Variants in DHX30 observed in about 807,000 individuals in gnomAD.
DHX30 encodes DExH-box helicase 30, also known as ATP-dependent RNA helicase DHX30.
A neutral mutation model predicts 116.9 loss-of-function variants in DHX30; 4 were observed. The observed-to-expected ratio is 0.03, with a 90% CI of 0.02 to 0.08. The LOEUF (loss-of-function observed/expected upper bound fraction) is 0.08. Among genes scored for constraint, DHX30 ranks in the 10% least tolerant of loss-of-function variants. The pLI is 1.00. For missense variants in DHX30, 871 were observed against 1,595.1 expected (o/e 0.55, Z 7.73); for synonymous variants, 697 against 651.7 (o/e 1.07, Z -1.06).
chr3:47,816,932 C>A, intron 3 of DHX30: 1 of 984,106 alleles, frequency 1.0e-6, no homozygotes, highest in African/African-American at 1.8e-5. Context: ...AAAAAAATAG[C>A]TGAAAGGGCT....
intron 3 of DHX30, chr3:47,815,921 A>G: frequency 1.0e-6 from 1 of 983,908 alleles, no homozygotes; most frequent in Non-Finnish European, 1.2e-6. Flanking sequence ...ATAATAACTA[A>G]TCATTGAATC....
chr3:47,831,859 C>G (rs946642096), intron 6 of DHX30, among the ~76,000 whole-genome samples: 1 of 151,162 alleles, frequency 6.6e-6, no homozygotes, highest in Non-Finnish European at 1.5e-5. Context: ...CTTTAGTGGA[C>G]CACTCTAAAT....
intron 3 of DHX30, among the ~76,000 whole-genome samples, chr3:47,812,836 G>T (rs1033605248): frequency 1.3e-4 from 19 of 151,054 alleles, no homozygotes; most frequent in Non-Finnish European, 1.5e-4. Flanking sequence ...GGTAATTCTT[G>T]TATTTTTAGT....
intron 4 of DHX30, among the ~76,000 whole-genome samples, chr3:47,824,236 C>T (rs1209573482): frequency 6.6e-6 from 1 of 152,084 alleles, no homozygotes; most frequent in African/African-American, 2.4e-5. Flanking sequence ...CTCCTGACCT[C>T]AGGTGATCTG....
At chr3:47,803,730 G>A (rs1273294424) in intron 1 of DHX30, among the ~76,000 whole-genome samples, 3 of 152,236 alleles carry the variant, frequency 2.0e-5, no homozygotes, top group Non-Finnish European at 4.4e-5. Context: ...GAGGCCAAGG[G>A]GTGAGGTATT....
chr3:47,833,414 C>T (rs950544943), intron 6 of DHX30, among the ~76,000 whole-genome samples: 1 of 151,516 alleles, frequency 6.6e-6, no homozygotes, highest in Non-Finnish European at 1.5e-5. Flanking sequence ...TGCCTGTAGT[C>T]CCAGCTACTT....
At chr3:47,815,939 C>CTTT in intron 3 of DHX30, 1 of 877,992 alleles carries the variant, frequency 1.1e-6, no homozygotes, top group South Asian at 5.3e-5. Flanking sequence ...ATCATTTATT[C>CTTT]TTTTTTTTTT....
At chr3:47,816,168 G>GA (rs977811187) in intron 3 of DHX30, 2 of 978,300 alleles carry the variant, frequency 2.0e-6, no homozygotes, top group Non-Finnish European at 2.4e-6. Flanking sequence ...AAAATAAAAA[G>GA]AAAAAAATCA....
At chr3:47,849,793 C>G (rs1175802667) in intron 21 of DHX30, 24 bp downstream of exon 21, 1 of 1,608,096 alleles carries the variant, frequency 6.2e-7, no homozygotes, top group Admixed American at 1.7e-5. Context: ...GGCCTCCCGC[C>G]CACCCCGCTC....
chr3:47,847,232 A>C lies in DHX30; in HGVS notation c.1930-41A>C. The C allele has an allele frequency of 2.5e-6, 4 of 1,606,948 alleles. No homozygotes were observed. The highest frequency in any genetic ancestry group is 3.4e-6 in the Non-Finnish European group (4 of 1,173,830). On this transcript the variant is annotated intron_variant, in intron 11 of 21. Coordinates refer to ENST00000445061, the MANE Select transcript of DHX30 (RefSeq NM_138615.3). The surrounding 1 kb of genome is among the most constrained non-coding windows in gnomAD (Gnocchi z 5.5). ...GGCTGTGTCCTTGGCATGACCCCTT[A>C]CCCCGGGGCTGTGACTGTGGCCTCT...
chr3:47,820,595 A>G (rs973747588), intron 4 of DHX30, among the ~76,000 whole-genome samples: 4 of 152,134 alleles, frequency 2.6e-5, no homozygotes, highest in Admixed American at 6.6e-5. Flanking sequence ...AGCCTGAACT[A>G]TCTTGGACTT....
intron 5 of DHX30, among the ~76,000 whole-genome samples, chr3:47,828,104 C>G (rs2036629766): frequency 6.6e-6 from 1 of 151,946 alleles, no homozygotes; most frequent in Non-Finnish European, 1.5e-5. Context: ...AAGGGATCCT[C>G]CCTCCTCAGC....
At chr3:47,807,786 G>C (rs1259014198) in intron 2 of DHX30, among the ~76,000 whole-genome samples, 1 of 150,976 alleles carries the variant, frequency 6.6e-6, no homozygotes. Flanking sequence ...TTTAGAGGCA[G>C]GGTCTCACTG....
chr3:47,848,227 G>A lies in DHX30; in HGVS notation c.2334G>A (p.Gln778=). Residue 778 remains glutamine, a synonymous_variant, in exon 15 of 22, where the codon CAG becomes CAA. Transcript: ENST00000445061. The surrounding 1 kb of genome is among the most constrained non-coding windows in gnomAD (Gnocchi z 9.4). ...TVWVSRANVI[Q]RRGRAGRCQS... is the part of the protein sequence containing the mutation. ...GGGTATCAAGAGCCAATGTGATCCA[G>A]CGCCGGGGCCGGGCGGGCCGCTGCC... 1 of 1,613,568 alleles carries A rather than the reference G, an allele frequency of 6.2e-7. No homozygotes were observed. The highest frequency in any genetic ancestry group is 8.5e-7 in the Non-Finnish European group (1 of 1,179,998).
At position 47,847,979 on chromosome 3, in the gene DHX30, G is replaced by A. The variant is rs1204338111; in HGVS notation, c.2286+23G>A. ...AAGGTGGCACCTACCTCCTGGGCCC[G>A]GCCAACCACTGGGGGAGGGACTCCG... On this transcript the variant is annotated intron_variant, in intron 14 of 21. Transcript: ENST00000445061. The surrounding 1 kb of genome is among the most constrained non-coding windows in gnomAD (Gnocchi z 5.5). The A allele has an allele frequency of 1.5e-5, 24 of 1,610,460 alleles. No homozygotes were observed. In the East Asian group the frequency reaches 2.0e-4, roughly 13 times the overall value.
At chr3:47,823,702 CAT>C (rs1448263705) in intron 4 of DHX30, among the ~76,000 whole-genome samples, 5 of 152,088 alleles carry the variant, frequency 3.3e-5, no homozygotes, top group East Asian at 1.9e-4. Flanking sequence ...CTGTTCAACA[CAT>C]GTGTTGTAAA....
intron 4 of DHX30, chr3:47,819,219 C>T (rs771990821): frequency 7.3e-7 from 1 of 1,367,622 alleles, no homozygotes. Flanking sequence ...TCTTAAAATG[C>T]CCTGTAACTC....
intron 3 of DHX30, among the ~76,000 whole-genome samples, chr3:47,813,955 G>A (rs1410873458): frequency 8.4e-6 from 1 of 119,608 alleles, no homozygotes; most frequent in South Asian, 3.0e-4. Flanking sequence ...CTTGAGATTA[G>A]TGTGGGCAGC....
chr3:47,843,903 T>C (rs2037489223), intron 9 of DHX30, among the ~76,000 whole-genome samples: 1 of 152,228 alleles, frequency 6.6e-6, no homozygotes, highest in Non-Finnish European at 1.5e-5. Context: ...GGTCTCACTG[T>C]GTTGCGAAGA....
Sources: allele counts gnomAD v4.1 joint callset (sites outside exome capture counted in the v4.1 genomes callset), GRCh38; gene constraint gnomAD v4.1.1; non-coding constraint Gnocchi (gnomAD v3.1); transcripts MANE v1.5; gene names NCBI Gene and HGNC (gene_info 2026-07-23, HGNC 2026-07-21).